The following RORB variants were observed in gnomAD, a reference collection of about 807,000 sequenced individuals.
The protein encoded by RORB is nuclear receptor ROR-beta.
Under a neutral mutation model 59.1 loss-of-function variants are expected in RORB, and 6 were observed. The ratio of observed to expected loss-of-function variants is 0.10; its 90% CI spans 0.06 to 0.20. The LOEUF is 0.20. Among genes scored for constraint, RORB ranks in the 10% least tolerant of loss-of-function variants. The pLI, the probability that RORB is intolerant of heterozygous loss-of-function variation, is 1.00. For missense variants in RORB, 320 were observed against 560.5 expected, an observed-to-expected ratio of 0.57 and a Z score of 4.33; for synonymous variants, 215 against 204.5, an observed-to-expected ratio of 1.05 and a Z score of -0.44.
intron 3 of RORB, among the ~76,000 whole-genome samples, chr9:74,640,414 C>T (rs1016823872): frequency 1.3e-5 from 2 of 149,290 alleles, no homozygotes; most frequent in Non-Finnish European, 3.0e-5. Flanking sequence ...CAAGCACATA[C>T]CACCATACTC....
intron 8 of RORB, among the ~76,000 whole-genome samples, chr9:74,668,195 GC>G (rs980611279): frequency 6.6e-6 from 1 of 152,178 alleles, no homozygotes; most frequent in Admixed American, 6.5e-5. Context: ...CTGAGTTACA[GC>G]CAAGTTCTAT....
intron 1 of RORB, among the ~76,000 whole-genome samples, chr9:74,554,387 G>A (rs1287237120): frequency 2.6e-5 from 4 of 152,008 alleles, no homozygotes; most frequent in Non-Finnish European, 4.4e-5. Flanking sequence ...CCTACATCAG[G>A]GAAAGATATG....
At chr9:74,669,168 A>G (rs1304878179) in intron 8 of RORB, among the ~76,000 whole-genome samples, 1 of 152,220 alleles carries the variant, frequency 6.6e-6, no homozygotes, top group East Asian at 1.9e-4. Context: ...AACTGTAGTG[A>G]GTAAAATATT....
In RORB at chr9:74,642,765, G is replaced by C; in HGVS notation, c.587G>C (p.Ser196Thr). Residue 196 changes from serine (S) to threonine (T), a missense_variant, in exon 4 of 10, where the codon AGC becomes ACC. By Grantham distance (58) the Ser-to-Thr change is moderately conservative (BLOSUM62 1). Around this residue, in one of 4 missense-constraint regions of RORB, gnomAD observed 134 missense variants for 156.2 expected, o/e 0.86. Coordinates refer to ENST00000376896, the MANE Select transcript of RORB (RefSeq NM_006914.4). ...TCCGTACCCAACTTGTTTACCTATA[G>C]CTCTTTCAACAATGGGCAGTTAGCA... ...LTSVPNLFTY[S>T]SFNNGQLAPG... is the part of the protein sequence containing the mutation. 12 of 1,612,538 alleles carry C rather than the reference G, an allele frequency of 7.4e-6. No homozygotes were observed. Among genetic ancestry groups the C allele is most frequent in the Non-Finnish European group, 1.0e-5 (12 of 1,178,946 alleles).
intron 1 of RORB, among the ~76,000 whole-genome samples, chr9:74,555,110 C>T (rs1270726015): frequency 6.6e-6 from 1 of 152,164 alleles, no homozygotes; most frequent in Non-Finnish European, 1.5e-5. Flanking sequence ...CTCACAGCCC[C>T]CTCTCAATTC....
Position 74,640,578 on chromosome 9 carries a change from C to T in RORB, c.236-1836C>T, listed in dbSNP as rs182037876. 2.5e-4 allele frequency among the ~76,000 whole-genome samples: 38 copies of T among 152,216 alleles called. No homozygotes were observed. The East Asian group carries it at 5.6e-3, about 22-fold the overall frequency. ...GATTACAGGTGCAAGCCACCGCACC[C>T]AGCCCTAGAATGTAGGTTTTTAAGA... is the stretch of plus-strand genomic sequence containing the variant. On this transcript the variant is annotated intron_variant, in intron 3 of 9. Coordinates refer to ENST00000376896, the MANE Select transcript of RORB (RefSeq NM_006914.4).
chr9:74,566,259 T>G, intron 1 of RORB, among the ~76,000 whole-genome samples: 1 of 152,118 alleles, frequency 6.6e-6, no homozygotes, highest in East Asian at 1.9e-4. Flanking sequence ...TTTTTCTGGC[T>G]CTATGAAATC....
intron 2 of RORB, among the ~76,000 whole-genome samples, chr9:74,634,057 T>C (rs1053749904): frequency 1.4e-5 from 2 of 145,248 alleles, no homozygotes; most frequent in Admixed American, 7.0e-5. Flanking sequence ...GTGAACAGCA[T>C]AGCAAGACAC....
At chr9:74,577,020 T>C (rs1279425118) in intron 1 of RORB, among the ~76,000 whole-genome samples, 1 of 152,076 alleles carries the variant, frequency 6.6e-6, no homozygotes, top group Admixed American at 6.6e-5. Flanking sequence ...CCAAGGCCAG[T>C]GCTCTAGAGG....
chr9:74,590,059 C>G (rs148311385), intron 1 of RORB, among the ~76,000 whole-genome samples: 1 of 152,276 alleles, frequency 6.6e-6, no homozygotes, highest in African/African-American at 2.4e-5. Context: ...ATGTGGATAA[C>G]AGTATTACCT....
At chr9:74,615,413 G>A (rs751980225) in intron 1 of RORB, among the ~76,000 whole-genome samples, 1 of 152,138 alleles carries the variant, frequency 6.6e-6, no homozygotes, top group East Asian at 1.9e-4. Flanking sequence ...CACCTTCTGC[G>A]CCTGAGCCAG....
At chr9:74,530,011 A>G (rs1200578333) in intron 1 of RORB, among the ~76,000 whole-genome samples, 5 of 151,978 alleles carry the variant, frequency 3.3e-5, no homozygotes, top group Admixed American at 2.6e-4. Context: ...CCCACTCAAG[A>G]TTCTGTGGTA....
chr9:74,581,488 G>A (rs1359664969), intron 1 of RORB, among the ~76,000 whole-genome samples: 2 of 152,176 alleles, frequency 1.3e-5, no homozygotes, highest in Non-Finnish European at 2.9e-5. Context: ...ATTAACAAGT[G>A]AGGTTTGCCA....
chr9:74,547,420 C>A (rs1403897595), intron 1 of RORB, among the ~76,000 whole-genome samples: 1 of 152,130 alleles, frequency 6.6e-6, no homozygotes, highest in Non-Finnish European at 1.5e-5. Flanking sequence ...CGAAGACCTT[C>A]TACCAATATT....
intron 3 of RORB, among the ~76,000 whole-genome samples, chr9:74,636,842 GCTGCCT>G (rs1234378471): frequency 6.6e-6 from 1 of 152,134 alleles, no homozygotes. Flanking sequence ...AAGAGAAAAA[GCTGCCT>G]CTTCACTATA....
chr9:74,575,117 G>T (rs148556622), intron 1 of RORB, among the ~76,000 whole-genome samples: 1 of 152,080 alleles, frequency 6.6e-6, no homozygotes, highest in Non-Finnish European at 1.5e-5. Flanking sequence ...ATACAAAAAA[G>T]GTAGACTGTG....
chr9:74,645,575 G>A (rs1823882418), intron 4 of RORB, among the ~76,000 whole-genome samples: 1 of 152,112 alleles, frequency 6.6e-6, no homozygotes, highest in Non-Finnish European at 1.5e-5. Flanking sequence ...CCTATCATAT[G>A]TAAGCACCAT....
chr9:74,539,700 G>A (rs759520074), intron 1 of RORB, among the ~76,000 whole-genome samples: 11 of 151,934 alleles, frequency 7.2e-5, no homozygotes, highest in Non-Finnish European at 1.2e-4. Context: ...AAATAAAGCT[G>A]GATAAGGGAA....
chr9:74,614,377 A>T (rs1823276936), intron 1 of RORB, among the ~76,000 whole-genome samples: 1 of 151,572 alleles, frequency 6.6e-6, no homozygotes, highest in Non-Finnish European at 1.5e-5. Context: ...TTAAAAGACA[A>T]CCTCTTTTTT....
Sources: gnomAD v4.1 joint callset for allele counts (sites outside exome capture counted in the v4.1 genomes callset) on GRCh38, gnomAD v4.1.1 for gene constraint, gnomAD v4.1.1 regional missense constraint, MANE v1.5 for transcripts, NCBI Gene and HGNC (gene_info 2026-07-23, HGNC 2026-07-21) for gene names.